PARP4: variants seen among roughly 807,000 people sequenced by gnomAD.
The protein encoded by PARP4 is protein mono-ADP-ribosyltransferase PARP4.
Under a neutral mutation model 187.7 loss-of-function variants are expected in PARP4, and 120 were observed. The observed-to-expected ratio is 0.64, with a 90% CI of 0.55 to 0.74. PARP4 has a LOEUF of 0.74. Among genes scored for constraint, PARP4 ranks in the 30% least tolerant of loss-of-function variants. PARP4 has a pLI of 0.00. For synonymous variants in PARP4, 654 were observed against 740.9 expected, an observed-to-expected ratio of 0.88 and a Z score of 1.90; for missense variants, 1,836 against 2,070.5, an observed-to-expected ratio of 0.89 and a Z score of 2.20.
intron 5 of PARP4, 62 bp downstream of exon 5, chr13:24,499,239 C>G: frequency 2.0e-6 from 3 of 1,473,564 alleles, no homozygotes; most frequent in Non-Finnish European, 2.7e-6. Context: ...GAAAAACACC[C>G]AGAAGACATT....
chr13:24,490,647 A>C, intron 10 of PARP4, 21 bp downstream of exon 10: 1 of 1,584,018 alleles, frequency 6.3e-7, no homozygotes, highest in South Asian at 1.1e-5. Flanking sequence ...ACAGATCCTG[A>C]GATATTTCCT....
At chr13:24,486,023 G>A (rs1045524701) in intron 11 of PARP4, 145 bp downstream of exon 11, 1 of 654,356 alleles carries the variant, frequency 1.5e-6, no homozygotes, top group African/African-American at 1.8e-5. Context: ...ATTATAAAGT[G>A]TGTAATTTTC....
At chr13:24,490,522 AGAG>A (rs1868579964) in intron 10 of PARP4, 143 bp downstream of exon 10, 1 of 666,834 alleles carries the variant, frequency 1.5e-6, no homozygotes, top group East Asian at 2.6e-5. Flanking sequence ...CGTTCTGAAC[AGAG>A]AAGAAAGTAA....
chr13:24,507,217 A>G (rs1035346999), intron 1 of PARP4, among the ~76,000 whole-genome samples: 3 of 152,178 alleles, frequency 2.0e-5, no homozygotes, highest in African/African-American at 2.4e-5. Context: ...CGGCCTCGCC[A>G]GCTCAGAAAG....
At chr13:24,472,650 C>G (rs1431542497) in intron 15 of PARP4, among the ~76,000 whole-genome samples, 2 of 151,488 alleles carry the variant, frequency 1.3e-5, no homozygotes, top group Non-Finnish European at 2.9e-5. Flanking sequence ...TTTCCAAGCT[C>G]TACCACTGCA....
intron 33 of PARP4, among the ~76,000 whole-genome samples, chr13:24,422,830 A>G (rs1330625998): frequency 6.6e-6 from 1 of 152,022 alleles, no homozygotes; most frequent in Non-Finnish European, 1.5e-5. Flanking sequence ...GATGGTCTCA[A>G]TCTCTTAACC....
Position 24,435,135 on chromosome 13 carries a change from G to T in PARP4, c.4006C>A (p.Pro1336Thr). The T allele has an allele frequency of 6.2e-7, 1 of 1,614,206 alleles. No individual in the cohort carries two copies. Among genetic ancestry groups the T allele is most frequent in the Non-Finnish European group, 8.5e-7 (1 of 1,180,024 alleles). ...YLPPTARAHS[P>T]ASLSFASYRQ... ...TATGAGGCAAAAGACAAGGAAGCAG[G>T]ACTGTGAGCGCGGGCAGTCGGGGGA... is the stretch of plus-strand genomic sequence containing the variant. Residue 1336 changes from proline (P) to threonine (T), a missense_variant, in exon 31 of 34, where the codon CCT becomes ACT. By Grantham distance (38) the Pro-to-Thr change is conservative. Coordinates refer to ENST00000381989, the MANE Select transcript of PARP4 (RefSeq NM_006437.4).
intron 32 of PARP4, among the ~76,000 whole-genome samples, chr13:24,430,689 G>A (rs985499532): frequency 6.6e-6 from 1 of 152,010 alleles, no homozygotes; most frequent in Non-Finnish European, 1.5e-5. Context: ...CTGTCCTAGG[G>A]CTAGCATTTG....
At chr13:24,449,286 G>C (rs1311871557) in intron 25 of PARP4, among the ~76,000 whole-genome samples, 1 of 150,882 alleles carries the variant, frequency 6.6e-6, no homozygotes, top group Non-Finnish European at 1.5e-5. Flanking sequence ...TAGTTGGGAG[G>C]CTGAGGCAGA....
intron 1 of PARP4, among the ~76,000 whole-genome samples, chr13:24,509,575 T>C (rs1046866522): frequency 3.9e-5 from 6 of 152,150 alleles, no homozygotes; most frequent in African/African-American, 9.7e-5. Flanking sequence ...ATGTAAATTG[T>C]ACCCCAATAC....
At chr13:24,505,771 A>T (rs1160583876) in intron 1 of PARP4, among the ~76,000 whole-genome samples, 1 of 152,186 alleles carries the variant, frequency 6.6e-6, no homozygotes, top group African/African-American at 2.4e-5. Flanking sequence ...AAAAACAAGG[A>T]GTCACGTCTA....
At chr13:24,478,068 T>C in intron 13 of PARP4, 25 bp downstream of exon 13, 1 of 1,557,330 alleles carries the variant, frequency 6.4e-7, no homozygotes, top group Non-Finnish European at 8.7e-7. Flanking sequence ...AGACCCTCTT[T>C]GCTTCTTCCT....
At chr13:24,454,021 C>T (rs906794424) in intron 22 of PARP4, among the ~76,000 whole-genome samples, 3 of 150,186 alleles carry the variant, frequency 2.0e-5, no homozygotes, top group East Asian at 2.0e-4. Flanking sequence ...AGGCTAAGGC[C>T]GGGAGGCAGA....
At chr13:24,429,759 G>A (rs1870241450) in intron 32 of PARP4, among the ~76,000 whole-genome samples, 1 of 152,170 alleles carries the variant, frequency 6.6e-6, no homozygotes, top group Non-Finnish European at 1.5e-5. Context: ...GTAGAGGTTA[G>A]GAGACAGCCA....
chr13:24,483,846 C>T (rs1387297000), intron 12 of PARP4, among the ~76,000 whole-genome samples: 2 of 152,184 alleles, frequency 1.3e-5, no homozygotes, highest in South Asian at 2.1e-4. Flanking sequence ...AGGCTGGTCT[C>T]GAACTCCTGG....
intron 10 of PARP4, among the ~76,000 whole-genome samples, chr13:24,488,329 TA>T (rs1324871407): frequency 2.0e-5 from 3 of 152,132 alleles, no homozygotes; most frequent in Admixed American, 6.5e-5. Flanking sequence ...TGATTACATA[TA>T]AAAACAAAAT....
chr13:24,483,717 C>T (rs1213075227), intron 12 of PARP4, among the ~76,000 whole-genome samples: 1 of 152,060 alleles, frequency 6.6e-6, no homozygotes, highest in Non-Finnish European at 1.5e-5. Context: ...ATCTCTGCCT[C>T]CTAGGTTCAA....
At chr13:24,447,438 G>A (rs1297841052) in intron 25 of PARP4, among the ~76,000 whole-genome samples, 2 of 152,208 alleles carry the variant, frequency 1.3e-5, no homozygotes, top group African/African-American at 4.8e-5. Flanking sequence ...TTGGCTGACT[G>A]CAACCTCCCC....
chr13:24,465,325 A>G (rs547013406), intron 17 of PARP4, among the ~76,000 whole-genome samples: 2 of 152,372 alleles, frequency 1.3e-5, no homozygotes, highest in East Asian at 3.9e-4. Flanking sequence ...TCCATTATAA[A>G]GATACATGCA....
Sources: gnomAD v4.1 joint callset for allele counts (sites outside exome capture counted in the v4.1 genomes callset) on GRCh38, gnomAD v4.1.1 for gene constraint, MANE v1.5 for transcripts, NCBI Gene and HGNC (gene_info 2026-07-23, HGNC 2026-07-21) for gene names.